FOXP1: variants seen among roughly 807,000 people sequenced by gnomAD.
The protein encoded by FOXP1 is forkhead box P1, also known as forkhead box protein P1.
A neutral mutation model predicts 98.2 loss-of-function variants in FOXP1; 15 were observed. The ratio of observed to expected loss-of-function variants is 0.15; its 90% CI spans 0.10 to 0.24. FOXP1 has a LOEUF of 0.24. Ranked by LOEUF, FOXP1 falls within the 10% of genes least tolerant of loss-of-function variation. The pLI is 1.00. For missense variants in FOXP1, 633 were observed against 848.5 expected (o/e 0.75, Z 3.15); for synonymous variants, 371 against 314.5 (o/e 1.18, Z -1.90).
intron 6 of FOXP1, among the ~76,000 whole-genome samples, chr3:71,161,001 T>C (rs1195795830): frequency 5.3e-5 from 8 of 152,258 alleles, no homozygotes; most frequent in Non-Finnish European, 8.8e-5. Context: ...GTACAAAGCA[T>C]AGAGTATAAA....
chr3:70,957,774 T>C lies in FOXP1; in HGVS notation c.*1473A>G, dbSNP rs2032170951. 1 of 233,834 alleles carries C rather than the reference T, an allele frequency of 4.3e-6. No individual in the cohort carries two copies. Among genetic ancestry groups the C allele is most frequent in the African/African-American group, 2.2e-5 (1 of 45,342 alleles). 14.5% of individuals were successfully genotyped at this position (233,834 alleles called of 1,614,324 possible). A position where few individuals can be genotyped will look rare whatever the true frequency, so the allele number is the denominator to read the frequency against. ...TTGTGATACTGGGTTGGTGATATAA[T>C]ATTGCATAACAAACTGCAGTACCAA... On this transcript the variant is annotated 3_prime_UTR_variant, in exon 21 of 21. Coordinates refer to ENST00000649528, the MANE Select transcript of FOXP1 (RefSeq NM_001349338.3).
Position 71,041,442 on chromosome 3 carries a change from A to G in FOXP1, c.755T>C (p.Leu252Ser). 1 of 1,613,954 alleles carries G rather than the reference A, an allele frequency of 6.2e-7. No homozygotes were observed. The highest frequency in any genetic ancestry group is 8.5e-7 in the Non-Finnish European group (1 of 1,179,868). The part of the protein sequence containing the change: ...EETTGNNHSS[L>S]DLTTTCVSSS... The stretch of plus-strand genomic sequence containing the variant: ...GGAGACACATGTCGTGGTCAGATCC[A>G]AACTGCTGTGATTGTTGCCTGTGGT... The change falls in exon 11 of 21, where the codon TTG becomes TCG. Residue 252 changes from leucine to serine, a missense_variant. Physicochemically the swap from Leu to Ser is moderately radical, Grantham distance 145. Around this residue, in one of 6 missense-constraint regions of FOXP1, gnomAD observed 210 missense variants for 270.6 expected, o/e 0.78. Coordinates refer to ENST00000649528, the MANE Select transcript of FOXP1 (RefSeq NM_001349338.3).
intron 6 of FOXP1, among the ~76,000 whole-genome samples, chr3:71,147,541 C>A (rs1024320334): frequency 6.6e-6 from 1 of 152,192 alleles, no homozygotes; most frequent in East Asian, 1.9e-4. Flanking sequence ...TTAATGCCCC[C>A]CATCATTCTG....
chr3:71,175,382 C>T (rs2061885153), intron 6 of FOXP1, among the ~76,000 whole-genome samples: 1 of 152,250 alleles, frequency 6.6e-6, no homozygotes, highest in Non-Finnish European at 1.5e-5. Context: ...ATGACACCTT[C>T]AAGGAATGGA....
intron 3 of FOXP1, among the ~76,000 whole-genome samples, chr3:71,485,387 T>C (rs1229884103): frequency 1.3e-5 from 2 of 152,246 alleles, no homozygotes; most frequent in Non-Finnish European, 2.9e-5. Context: ...TTCTGAAGAT[T>C]CATAAAGGAA....
intron 6 of FOXP1, among the ~76,000 whole-genome samples, chr3:71,146,912 C>G (rs767890123): frequency 2.0e-5 from 3 of 152,230 alleles, no homozygotes; most frequent in Non-Finnish European, 4.4e-5. Context: ...AATGTTAAGC[C>G]ATCCATCACC....
intron 3 of FOXP1, among the ~76,000 whole-genome samples, chr3:71,418,984 C>T (rs2083424098): frequency 6.7e-6 from 1 of 150,180 alleles, no homozygotes; most frequent in Non-Finnish European, 1.5e-5. Context: ...CTATTAATCC[C>T]AGCTCTTTAG....
At position 71,253,065 on chromosome 3, in the gene FOXP1, C is replaced by T. The variant is rs190312394; in HGVS notation, c.-12+46755G>A. Among the ~76,000 whole-genome samples, 9 of 152,314 alleles carry T rather than the reference C, an allele frequency of 5.9e-5. No individual in the cohort carries two copies. The East Asian group carries it at 1.5e-3, about 26-fold the overall frequency. On this transcript the variant is annotated intron_variant, in intron 5 of 20. Coordinates refer to ENST00000649528, the MANE Select transcript of FOXP1 (RefSeq NM_001349338.3). The stretch of plus-strand genomic sequence containing the variant: ...CTTCATGGCTATCTGTTTCCAGGTA[C>T]TGGGCCAAGTGGGGCATGGCCTGAT...
At chr3:71,445,066 A>C (rs1245823905) in intron 3 of FOXP1, among the ~76,000 whole-genome samples, 1 of 152,226 alleles carries the variant, frequency 6.6e-6, no homozygotes, top group African/African-American at 2.4e-5. Flanking sequence ...TCTGGAGTGC[A>C]GACCACGTGG....
At position 71,343,942 on chromosome 3, in the gene FOXP1, C is replaced by T. The variant is rs192981834; in HGVS notation, c.-73+15208G>A. Among the ~76,000 whole-genome samples the T allele has an allele frequency of 3.3e-4, 51 of 152,266 alleles. 1 individual carries two copies. The highest frequency in any genetic ancestry group is 1.7e-3 in the South Asian group (8 of 4,824). ...AAGGAAAGCAGGACTCTTTAAGAGC[C>T]GGGTTTTTTCATTGGTCTTAAATAG... On this transcript the variant is annotated intron_variant, in intron 4 of 20. Coordinates refer to ENST00000649528, the MANE Select transcript of FOXP1 (RefSeq NM_001349338.3).
chr3:71,462,957 C>G (rs1373848818), intron 3 of FOXP1, among the ~76,000 whole-genome samples: 1 of 152,180 alleles, frequency 6.6e-6, no homozygotes, highest in Non-Finnish European at 1.5e-5. Flanking sequence ...CCCCATCAAT[C>G]AACCAAATGT....
intron 4 of FOXP1, among the ~76,000 whole-genome samples, chr3:71,317,168 C>T (rs1276018523): frequency 2.0e-5 from 3 of 152,096 alleles, no homozygotes; most frequent in African/African-American, 7.2e-5. Flanking sequence ...TCCTGTGTTC[C>T]AAATTTCCAC....
chr3:71,496,927 A>G (rs2091457471), intron 2 of FOXP1, among the ~76,000 whole-genome samples: 1 of 151,184 alleles, frequency 6.6e-6, no homozygotes, highest in Admixed American at 6.6e-5. Flanking sequence ...GCATATCTAA[A>G]AATAAAGGGT....
At chr3:71,542,022 C>T (rs770527499) in intron 2 of FOXP1, 1 of 533,930 alleles carries the variant, frequency 1.9e-6, no homozygotes. Context: ...ATGGGCTTTC[C>T]AATATATAAA....
intron 6 of FOXP1, among the ~76,000 whole-genome samples, chr3:71,143,749 C>G (rs188578085): frequency 6.6e-6 from 1 of 152,062 alleles, no homozygotes; most frequent in Non-Finnish European, 1.5e-5. Flanking sequence ...AAATAAAATG[C>G]ATAAAGTACA....
intron 13 of FOXP1, among the ~76,000 whole-genome samples, chr3:70,994,708 A>T (rs1190421160): frequency 6.6e-6 from 1 of 152,162 alleles, no homozygotes; most frequent in East Asian, 1.9e-4. Context: ...TAAAGAATAC[A>T]AGGTACACAC....
intron 4 of FOXP1, chr3:71,332,905 C>T (rs2076428416): frequency 6.6e-6 from 1 of 152,176 alleles, no homozygotes; most frequent in African/African-American, 2.4e-5. Context: ...AAAAGAACCC[C>T]AGTATTGCCA....
chr3:71,283,350 C>G (rs967928355), intron 5 of FOXP1, among the ~76,000 whole-genome samples: 1 of 152,002 alleles, frequency 6.6e-6, no homozygotes, highest in Non-Finnish European at 1.5e-5. Flanking sequence ...GGTGCTCCCT[C>G]AAGTCCATAG....
chr3:71,398,351 C>T (rs1222301942), intron 3 of FOXP1, among the ~76,000 whole-genome samples: 1 of 152,004 alleles, frequency 6.6e-6, no homozygotes, highest in Non-Finnish European at 1.5e-5. Flanking sequence ...TGGGATTTTC[C>T]CTCTTTGAAA....
Sources: gnomAD v4.1 joint callset for allele counts (sites outside exome capture counted in the v4.1 genomes callset) on GRCh38, gnomAD v4.1.1 for gene constraint, gnomAD v4.1.1 regional missense constraint, MANE v1.5 for transcripts, NCBI Gene and HGNC (gene_info 2026-07-23, HGNC 2026-07-21) for gene names.